Variants in RBFOX1 observed in about 807,000 individuals in gnomAD.
RBFOX1 encodes RNA binding fox-1 homolog 1, also known as RNA binding protein fox-1 homolog 1.
RBFOX1 carries 8 observed loss-of-function variants against 57.7 expected under a neutral mutation model. That is an observed-to-expected ratio of 0.14 (90% confidence interval 0.08 to 0.25). RBFOX1 has a LOEUF of 0.25. Ranked by LOEUF, RBFOX1 falls within the 10% of genes least tolerant of loss-of-function variation. The pLI is 1.00. For synonymous variants in RBFOX1, 326 were observed against 222.4 expected (o/e 1.47, Z -4.15); for missense variants, 611 against 548.5 (o/e 1.11, Z -1.14).
At chr16:5,965,460 G>A (rs1437130437) in intron 4 of RBFOX1, among the ~76,000 whole-genome samples, 1 of 152,082 alleles carries the variant, frequency 6.6e-6, no homozygotes, top group African/African-American at 2.4e-5. Context: ...AAGCTAGGGG[G>A]TGGGGAAACC....
intron 14 of RBFOX1, among the ~76,000 whole-genome samples, chr16:7,687,601 G>T (rs1277497969): frequency 6.6e-6 from 1 of 151,814 alleles, no homozygotes; most frequent in Non-Finnish European, 1.5e-5. Flanking sequence ...GTTCCATATG[G>T]CACGTCTAGC....
chr16:6,898,832 T>C (rs112220650), intron 3 of RBFOX1, among the ~76,000 whole-genome samples: 7,247 of 151,920 alleles, frequency 0.048, 254 homozygotes, highest in Non-Finnish European at 0.074. Context: ...TACATGTGTG[T>C]ATGTGTGTGC....
chr16:6,930,314 C>G (rs1451742822), intron 3 of RBFOX1, among the ~76,000 whole-genome samples: 1 of 152,112 alleles, frequency 6.6e-6, no homozygotes, highest in African/African-American at 2.4e-5. Flanking sequence ...GGCCAATATG[C>G]ACATAAGAAG....
At chr16:7,195,518 C>A (rs995921731) in intron 4 of RBFOX1, among the ~76,000 whole-genome samples, 1 of 152,130 alleles carries the variant, frequency 6.6e-6, no homozygotes, top group South Asian at 2.1e-4. Flanking sequence ...TGAGGACCTA[C>A]GATGCTTGCT....
chr16:6,744,332 A>G (rs2073055181), intron 3 of RBFOX1, among the ~76,000 whole-genome samples: 1 of 152,162 alleles, frequency 6.6e-6, no homozygotes, highest in Non-Finnish European at 1.5e-5. Flanking sequence ...TTTGAATAGT[A>G]GTATTAATTA....
intron 4 of RBFOX1, among the ~76,000 whole-genome samples, chr16:7,243,545 G>C (rs188489241): frequency 5.9e-5 from 9 of 152,082 alleles, no homozygotes; most frequent in Non-Finnish European, 1.2e-4. Context: ...CTCTTTATTA[G>C]TAGTAGTATT....
chr16:6,199,994 A>G (rs1282777476), intron 1 of RBFOX1, among the ~76,000 whole-genome samples: 1 of 152,116 alleles, frequency 6.6e-6, no homozygotes, highest in Non-Finnish European at 1.5e-5. Context: ...GACCTTGGAC[A>G]ATGAGCAGGG....
intron 3 of RBFOX1, among the ~76,000 whole-genome samples, chr16:5,834,904 G>T (rs909302015): frequency 1.3e-5 from 2 of 152,156 alleles, no homozygotes; most frequent in African/African-American, 2.4e-5. Flanking sequence ...TCTACTTTCA[G>T]ATCTCTGAGA....
chr16:7,071,068 T>G (rs1486434914), intron 4 of RBFOX1, among the ~76,000 whole-genome samples: 1 of 152,184 alleles, frequency 6.6e-6, no homozygotes, highest in Non-Finnish European at 1.5e-5. Flanking sequence ...AAGCCTATCT[T>G]TACTCAAAGC....
At chr16:5,838,464 A>C (rs902306151) in intron 3 of RBFOX1, 2 of 154,484 alleles carry the variant, frequency 1.3e-5, no homozygotes, top group East Asian at 1.9e-4. Flanking sequence ...CATATATCCT[A>C]TTCTGGCTCC....
At chr16:6,094,985 G>A (rs906270270) in intron 1 of RBFOX1, among the ~76,000 whole-genome samples, 5 of 152,230 alleles carry the variant, frequency 3.3e-5, no homozygotes, top group East Asian at 1.9e-4. Context: ...GCTGGAACCC[G>A]GGAGGCAAAG....
At chr16:7,138,396 T>G (rs919871446) in intron 4 of RBFOX1, among the ~76,000 whole-genome samples, 2 of 152,164 alleles carry the variant, frequency 1.3e-5, no homozygotes, top group Admixed American at 1.3e-4. Context: ...GGGCAAGTCA[T>G]GTAACTTTCT....
chr16:6,750,378 G>T (rs1482974546), intron 3 of RBFOX1, among the ~76,000 whole-genome samples: 1 of 152,192 alleles, frequency 6.6e-6, no homozygotes, highest in Non-Finnish European at 1.5e-5. Context: ...GCACTTAATT[G>T]CAACTGGGCT....
intron 3 of RBFOX1, among the ~76,000 whole-genome samples, chr16:5,748,914 TG>T (rs757647190): frequency 8.5e-4 from 130 of 152,330 alleles, no homozygotes; most frequent in Non-Finnish European, 1.6e-3. Context: ...CCTGTCATTA[TG>T]ATGTTAGCTG....
intron 3 of RBFOX1, among the ~76,000 whole-genome samples, chr16:6,937,265 C>T (rs973280823): frequency 1.3e-5 from 2 of 152,078 alleles, no homozygotes; most frequent in African/African-American, 4.8e-5. Context: ...TCAACAATTG[C>T]CAACTCACGA....
intron 2 of RBFOX1, among the ~76,000 whole-genome samples, chr16:5,537,742 G>A (rs945804702): frequency 6.6e-5 from 10 of 152,212 alleles, no homozygotes; most frequent in Admixed American, 1.3e-4. Flanking sequence ...CTCAGACCCA[G>A]TTGGGAAAGG....
chr16:7,004,729 C>G (rs571264639), intron 3 of RBFOX1, among the ~76,000 whole-genome samples: 34 of 152,172 alleles, frequency 2.2e-4, no homozygotes, highest in African/African-American at 8.2e-4. Flanking sequence ...AGCTGGTATT[C>G]AAGAAAGGAG....
chr16:7,099,631 G>T (rs963706825), intron 4 of RBFOX1, among the ~76,000 whole-genome samples: 2 of 152,072 alleles, frequency 1.3e-5, no homozygotes, highest in African/African-American at 4.8e-5. Context: ...GGTGGTTGGG[G>T]TATAGCTTGC....
chr16:7,508,211 C>T (rs554149965), intron 4 of RBFOX1, among the ~76,000 whole-genome samples: 83 of 149,618 alleles, frequency 5.5e-4, no homozygotes, highest in Non-Finnish European at 1.1e-3. Context: ...GTCCTGACCT[C>T]AAGCGATCCG....
Sources: allele counts gnomAD v4.1 joint callset (sites outside exome capture counted in the v4.1 genomes callset), GRCh38; gene constraint gnomAD v4.1.1; transcripts MANE v1.5; gene names NCBI Gene and HGNC (gene_info 2026-07-23, HGNC 2026-07-21).